BLNK: variants seen among roughly 807,000 people sequenced by gnomAD.
BLNK encodes the protein B-cell linker protein.
BLNK carries 29 observed loss-of-function variants against 73.5 expected under a neutral mutation model. That is an observed-to-expected ratio of 0.39 (90% confidence interval 0.29 to 0.54). The LOEUF is 0.54. Ranked by LOEUF, BLNK falls within the 20% of genes least tolerant of loss-of-function variation. The pLI is 0.61. For missense variants in BLNK, 460 were observed against 562.8 expected, an observed-to-expected ratio of 0.82 and a Z score of 1.85; for synonymous variants, 176 against 200.8, an observed-to-expected ratio of 0.88 and a Z score of 1.04.
intron 5 of BLNK, among the ~76,000 whole-genome samples, chr10:96,224,201 C>T (rs1054795144): frequency 2.6e-5 from 4 of 152,190 alleles, no homozygotes; most frequent in African/African-American, 9.7e-5. Flanking sequence ...AGAACGTCCT[C>T]ATTAAAAACA....
At position 96,190,235 on chromosome 10, in the gene BLNK, A is replaced by G; in HGVS notation, c.*1738T>C. The G allele has an allele frequency of 4.0e-6, 3 of 747,462 alleles. No homozygotes were observed. The highest frequency in any genetic ancestry group is 7.3e-6 in the Non-Finnish European group (3 of 409,126). 46.3% of individuals were successfully genotyped at this position (747,462 alleles called of 1,614,324 possible). On this transcript the variant is annotated 3_prime_UTR_variant, in exon 17 of 17. Transcript: ENST00000224337. The stretch of plus-strand genomic sequence containing the variant: ...AATCTTCCATCAGGTGGCGGCACAC[A>G]CTTAGGTGGGAGAGAAAGCAGACGG...
chr10:96,233,540 A>G (rs1365431206), intron 3 of BLNK, among the ~76,000 whole-genome samples: 1 of 152,164 alleles, frequency 6.6e-6, no homozygotes, highest in Admixed American at 6.5e-5. Context: ...ACGCTCACTA[A>G]CAGTAACACC....
intron 1 of BLNK, among the ~76,000 whole-genome samples, chr10:96,262,704 A>G (rs1188434809): frequency 6.6e-6 from 1 of 152,214 alleles, no homozygotes; most frequent in Non-Finnish European, 1.5e-5. Context: ...CATTCTTTGC[A>G]AAATATATAG....
intron 2 of BLNK, among the ~76,000 whole-genome samples, chr10:96,244,240 C>T (rs1842968501): frequency 6.6e-6 from 1 of 152,042 alleles, no homozygotes; most frequent in Non-Finnish European, 1.5e-5. Context: ...CAAGGTGTTG[C>T]AAGGAAGAAA....
intron 2 of BLNK, among the ~76,000 whole-genome samples, chr10:96,246,426 C>T (rs1186678074): frequency 1.3e-5 from 2 of 152,206 alleles, no homozygotes; most frequent in African/African-American, 4.8e-5. Context: ...CTGGCACGTG[C>T]CTGTAATCCC....
At chr10:96,231,928 T>A (rs1591335845) in intron 3 of BLNK, among the ~76,000 whole-genome samples, 2 of 152,334 alleles carry the variant, frequency 1.3e-5, no homozygotes, top group East Asian at 3.9e-4. Context: ...CGTCCTGGGC[T>A]CTGCATGGGC....
intron 1 of BLNK, among the ~76,000 whole-genome samples, chr10:96,270,613 T>TAAAA (rs35550791): frequency 3.1e-5 from 4 of 127,624 alleles, no homozygotes; most frequent in African/African-American, 1.1e-4. Flanking sequence ...AAAAGTATAA[T>TAAAA]AAAAAAAAAA....
In BLNK at chr10:96,230,814, C is replaced by T. The variant is rs1351358939; in HGVS notation, c.184G>A (p.Glu62Lys). 5 of 1,611,448 alleles carry T rather than the reference C, an allele frequency of 3.1e-6. No homozygotes were observed. Among genetic ancestry groups the T allele is most frequent in the African/African-American group, 1.3e-5 (1 of 75,012 alleles). ...CTTACAAAGTCATCGGACCACTGCT[C>T]CTCTTCGTCAGCAGGGCTCTCTGCA... ...YASESPADEE[E>K]QWSDDFDSDY... Residue 62 changes from glutamate to lysine, a missense_variant, in exon 4 of 17, where the codon GAG becomes AAG. Glu to Lys is a moderately conservative substitution (Grantham distance 56). Transcript: ENST00000224337.
rs954409492 is a variant in BLNK, at chr10:96,190,922, G to C, written c.*1051C>G. Among the ~76,000 whole-genome samples the C allele has an allele frequency of 2.6e-5, 4 of 152,264 alleles. No individual in the cohort carries two copies. The highest frequency in any genetic ancestry group is 4.4e-5 in the Non-Finnish European group (3 of 68,036). ...AACTGGCTTTTAGTCTAGCTTTGCTGTCATTCCACTTTGAAACTTGATATG... is the reference window on the plus strand; with the variant it reads ...AACTGGCTTTTAGTCTAGCTTTGCTCTCATTCCACTTTGAAACTTGATATG... On this transcript the variant is annotated 3_prime_UTR_variant, in exon 17 of 17. Transcript: ENST00000224337.
At chr10:96,221,111 A>G (rs1190203091) in intron 6 of BLNK, among the ~76,000 whole-genome samples, 2 of 152,226 alleles carry the variant, frequency 1.3e-5, no homozygotes, top group Non-Finnish European at 2.9e-5. Context: ...GACCTTGGGT[A>G]AGTTTCTTAG....
At chr10:96,201,223 G>A (rs587630683) in intron 13 of BLNK, among the ~76,000 whole-genome samples, 165 bp from the exon 14 acceptor site, 12 of 152,254 alleles carry the variant, frequency 7.9e-5, no homozygotes, top group South Asian at 6.2e-4. Context: ...TGGAAATCTC[G>A]AAAATCCTTT....
At chr10:96,201,186 G>A in intron 13 of BLNK, 128 bp from the exon 14 acceptor site, 1 of 822,894 alleles carries the variant, frequency 1.2e-6, no homozygotes, top group Non-Finnish European at 2.0e-6. Context: ...TAAGGCAATG[G>A]TTCCAAAAGT....
intron 8 of BLNK, among the ~76,000 whole-genome samples, chr10:96,214,401 A>G (rs1160490430): frequency 6.6e-6 from 1 of 152,158 alleles, no homozygotes; most frequent in Admixed American, 6.5e-5. Context: ...TGAAACTGGT[A>G]ACATCTGGAG....
intron 15 of BLNK, among the ~76,000 whole-genome samples, chr10:96,199,697 G>A (rs1466294525): frequency 2.0e-5 from 3 of 152,160 alleles, no homozygotes; most frequent in East Asian, 1.9e-4. Flanking sequence ...GTCTATTACA[G>A]GCTGAGGGCA....
At chr10:96,271,252 T>C (rs1554915628) in intron 1 of BLNK, 100 bp downstream of exon 1, 2 of 1,403,306 alleles carry the variant, frequency 1.4e-6, no homozygotes, top group Non-Finnish European at 2.0e-6. Flanking sequence ...CACTGGAAAC[T>C]AGCAAAGCAT....
chr10:96,225,129 T>C (rs1554902155), intron 5 of BLNK, among the ~76,000 whole-genome samples: 1 of 152,230 alleles, frequency 6.6e-6, no homozygotes. Context: ...ACCTGTGCCA[T>C]GTGAGAGAGG....
At chr10:96,217,545 TC>T (rs2084096347) in intron 6 of BLNK, among the ~76,000 whole-genome samples, 1 of 152,246 alleles carries the variant, frequency 6.6e-6, no homozygotes. Context: ...GATTTGCATT[TC>T]CCTGAAGACT....
Position 96,265,083 on chromosome 10 carries a change from G to A in BLNK, c.47+6269C>T, listed in dbSNP as rs1049784704. 3.9e-5 allele frequency among the ~76,000 whole-genome samples: 6 copies of A among 152,072 alleles called. No homozygotes were observed. The East Asian group carries it at 9.6e-4, about 24-fold the overall frequency. Reference sequence around the variant, plus strand: ...CGATCCTCCCATTTCAGCCTCCTAAGTAGCTGGGACTGCAGACGCATGCCA... The same window carrying A: ...CGATCCTCCCATTTCAGCCTCCTAAATAGCTGGGACTGCAGACGCATGCCA... On this transcript the variant is annotated intron_variant, in intron 1 of 16. Transcript: ENST00000224337.
rs1178420444 is a variant in BLNK at position 96,271,219 on chromosome 10, A to T, written c.47+133T>A. The T allele has an allele frequency of 6.0e-6, 6 of 1,003,340 alleles. No homozygotes were observed. The African/African-American group carries it at 8.0e-5, about 13-fold the overall frequency. The allele number at this position is 1,003,340 out of a possible 1,614,324, so 62.2% of individuals were successfully genotyped here. On this transcript the variant is annotated intron_variant, in intron 1 of 16. Coordinates refer to ENST00000224337, the MANE Select transcript of BLNK (RefSeq NM_013314.4). Reference sequence around the variant, plus strand: ...AATGCTTTCCCTAAAAGCTCAGTCCACTTCCCTATAGTAAGTGCCACCCAC... The same window carrying T: ...AATGCTTTCCCTAAAAGCTCAGTCCTCTTCCCTATAGTAAGTGCCACCCAC...
Sources: allele counts gnomAD v4.1 joint callset (sites outside exome capture counted in the v4.1 genomes callset), GRCh38; gene constraint gnomAD v4.1.1; transcripts MANE v1.5; gene names NCBI Gene and HGNC (gene_info 2026-07-23, HGNC 2026-07-21).